CSMD3: variants seen among roughly 807,000 people sequenced by gnomAD.
CSMD3 encodes CUB and sushi domain-containing protein 3.
Under a neutral mutation model 435.2 loss-of-function variants are expected in CSMD3, and 177 were observed. The observed-to-expected ratio is 0.41, with a 90% CI of 0.36 to 0.46. The LOEUF (loss-of-function observed/expected upper bound fraction) is 0.46, where lower values mean the gene tolerates loss of function less well. CSMD3 is among the 20% of genes least tolerant of loss of function. The probability of loss-of-function intolerance (pLI) is 0.34; values close to 1 mark genes in which losing one functional copy is unlikely to be tolerated. For missense variants in CSMD3, 4,265 were observed against 4,504.6 expected (o/e 0.95, Z 1.52); for synonymous variants, 1,656 against 1,520.5 (o/e 1.09, Z -2.07).
In CSMD3 at chr8:112,929,114, C is replaced by T. The variant is rs561210072; in HGVS notation, c.1509-7363G>A. On this transcript the variant is annotated intron_variant, in intron 9 of 70. Transcript: ENST00000297405. ...TTGAGAAGTGTCTGTTCATGTCCTT[C>T]GCCCACTTTTTGATGGGGTTGTTTG... is the stretch of plus-strand genomic sequence containing the variant. 2.8e-3 allele frequency among the ~76,000 whole-genome samples: 420 copies of T among 148,378 alleles called. 2 individuals carry two copies. Among genetic ancestry groups the T allele is most frequent in the African/African-American group, 8.2e-3 (331 of 40,384 alleles).
In CSMD3 at chr8:113,371,830, T is replaced by C. The variant is rs141886968; in HGVS notation, c.179-57037A>G. Among the ~76,000 whole-genome samples, 98 of 152,310 alleles carry C rather than the reference T, an allele frequency of 6.4e-4. 1 individual carries two copies. In the East Asian group the frequency reaches 0.011, roughly 17 times the overall value. On this transcript the variant is annotated intron_variant, in intron 1 of 70. Transcript: ENST00000297405. ...GTGAAATAGGCTCTGTGAAGAATGG[T>C]TGAGTGAATAGTGGTTTTTAGCTTG...
chr8:112,986,490 C>T (rs534571167), intron 6 of CSMD3, among the ~76,000 whole-genome samples: 7 of 152,126 alleles, frequency 4.6e-5, no homozygotes, highest in South Asian at 2.1e-4. Flanking sequence ...AAATGAGAAA[C>T]GGAAAGAAGG....
At chr8:113,241,033 G>C (rs905084023) in intron 3 of CSMD3, among the ~76,000 whole-genome samples, 25 of 152,190 alleles carry the variant, frequency 1.6e-4, no homozygotes, top group African/African-American at 5.8e-4. Context: ...ATATTATCAA[G>C]ATATTAGCTG....
At chr8:112,280,100 A>C (rs868209308) in intron 59 of CSMD3, among the ~76,000 whole-genome samples, 1 of 152,138 alleles carries the variant, frequency 6.6e-6, no homozygotes, top group Non-Finnish European at 1.5e-5. Flanking sequence ...CACACAATAC[A>C]AGGCCATGCC....
At chr8:112,310,775 A>C in intron 50 of CSMD3, 3 of 665,494 alleles carry the variant, frequency 4.5e-6, no homozygotes, top group Non-Finnish European at 8.1e-6. Flanking sequence ...GTTGCATAAC[A>C]ATAATGAATA....
At chr8:112,396,272 T>G (rs1374652507) in intron 35 of CSMD3, among the ~76,000 whole-genome samples, 1 of 152,158 alleles carries the variant, frequency 6.6e-6, no homozygotes, top group Admixed American at 6.6e-5. Flanking sequence ...CTGACTTGGC[T>G]TAAGTTATTA....
At chr8:112,518,738 G>A (rs1823966154) in intron 27 of CSMD3, among the ~76,000 whole-genome samples, 3 of 151,932 alleles carry the variant, frequency 2.0e-5, no homozygotes, top group African/African-American at 7.3e-5. Context: ...GTATTAGTCT[G>A]TTAACACACT....
chr8:113,148,303 T>C (rs2091726672), intron 4 of CSMD3, among the ~76,000 whole-genome samples: 1 of 151,694 alleles, frequency 6.6e-6, no homozygotes, highest in African/African-American at 2.4e-5. Flanking sequence ...TCACAGCCTT[T>C]TGCCATGTCA....
In CSMD3 at chr8:113,411,374, C is replaced by T. The variant is rs59890451; in HGVS notation, c.178+25303G>A. 4.0e-3 allele frequency among the ~76,000 whole-genome samples: 608 copies of T among 152,282 alleles called. 5 individuals carry two copies. Among genetic ancestry groups the T allele is most frequent in the African/African-American group, 0.013 (557 of 41,560 alleles). On this transcript the variant is annotated intron_variant, in intron 1 of 70. Transcript: ENST00000297405. ...CAGTTACTCCACTAAATACTCCATG[C>T]TGCAAATTCTTTTCTGACTTGTGTT...
chr8:112,361,212 A>C (rs1183759524), intron 38 of CSMD3, among the ~76,000 whole-genome samples: 1 of 151,818 alleles, frequency 6.6e-6, no homozygotes, highest in Non-Finnish European at 1.5e-5. Context: ...TGCCGTTGGC[A>C]ACCAAAGCTG....
chr8:112,412,583 G>A lies in CSMD3; in HGVS notation c.5396-3551C>T, dbSNP rs1811474330. ...TAAAGAAAATGTTTTTATCTCTTTT[G>A]TTGAAAAAATCAATTTTTATAGTGG... On this transcript the variant is annotated intron_variant, in intron 32 of 70. Coordinates refer to ENST00000297405, the MANE Select transcript of CSMD3 (RefSeq NM_198123.2). Among the ~76,000 whole-genome samples, 2 of 151,682 alleles carry A rather than the reference G, an allele frequency of 1.3e-5. 1 individual carries two copies. The highest frequency in any genetic ancestry group is 4.2e-4 in the South Asian group (2 of 4,800).
At chr8:112,478,749 A>T (rs927917649) in intron 31 of CSMD3, among the ~76,000 whole-genome samples, 1 of 152,200 alleles carries the variant, frequency 6.6e-6, no homozygotes, top group Non-Finnish European at 1.5e-5. Flanking sequence ...CTGAAAGACC[A>T]GACTGCTGGT....
intron 5 of CSMD3, among the ~76,000 whole-genome samples, chr8:113,068,568 T>A (rs531244599): frequency 1.3e-5 from 2 of 152,220 alleles, no homozygotes; most frequent in East Asian, 3.9e-4. Context: ...GTGTACCTGG[T>A]TAGAAATGTC....
intron 2 of CSMD3, chr8:113,310,269 AG>A (rs2093857293): frequency 1.3e-5 from 2 of 152,120 alleles, no homozygotes; most frequent in South Asian, 4.1e-4. Context: ...AATTAGGAAA[AG>A]GAATTTAAAA....
chr8:113,346,002 A>G lies in CSMD3; in HGVS notation c.179-31209T>C, dbSNP rs547461247. ...TCTTCCAGTTCTGTTGCAAACTGTAACACAGTAACAAGTTCCCCTTAGAAG... is the reference window on the plus strand; with the variant it reads ...TCTTCCAGTTCTGTTGCAAACTGTAGCACAGTAACAAGTTCCCCTTAGAAG... On this transcript the variant is annotated intron_variant, in intron 1 of 70. Coordinates refer to ENST00000297405, the MANE Select transcript of CSMD3 (RefSeq NM_198123.2). 2.6e-5 allele frequency among the ~76,000 whole-genome samples: 4 copies of G among 152,144 alleles called. No homozygotes were observed. In the South Asian group the frequency reaches 8.3e-4, roughly 32 times the overall value.
intron 1 of CSMD3, among the ~76,000 whole-genome samples, chr8:113,396,040 G>A (rs1181836382): frequency 1.8e-4 from 28 of 151,926 alleles, no homozygotes; most frequent in Admixed American, 1.7e-3. Context: ...AATGACAATC[G>A]ATGTCCATTT....
rs573732623 is a variant in CSMD3 at position 112,517,958 on chromosome 8, G to A, written c.4565-733C>T. ...AAAACTTATATTCACATGAAAGCCT[G>A]CACACAGATATTCATAACAACTTTA... On this transcript the variant is annotated intron_variant, in intron 27 of 70. Coordinates refer to ENST00000297405, the MANE Select transcript of CSMD3 (RefSeq NM_198123.2). Among the ~76,000 whole-genome samples, 23 of 152,168 alleles carry A rather than the reference G, an allele frequency of 1.5e-4. No homozygotes were observed. In the South Asian group the frequency reaches 2.1e-3, roughly 14 times the overall value.
intron 7 of CSMD3, among the ~76,000 whole-genome samples, chr8:112,966,193 T>C (rs2084408413): frequency 6.6e-6 from 1 of 151,708 alleles, no homozygotes; most frequent in Admixed American, 6.6e-5. Context: ...ATAAAATGAA[T>C]AAAATTAAGT....
chr8:113,361,917 T>C (rs2094279913), intron 1 of CSMD3, among the ~76,000 whole-genome samples: 1 of 152,210 alleles, frequency 6.6e-6, no homozygotes, highest in African/African-American at 2.4e-5. Flanking sequence ...TGTTATTTCC[T>C]ATTTTGCATG....
Sources: gnomAD v4.1 joint callset for allele counts (sites outside exome capture counted in the v4.1 genomes callset) on GRCh38, gnomAD v4.1.1 for gene constraint, MANE v1.5 for transcripts, NCBI Gene and HGNC (gene_info 2026-07-23, HGNC 2026-07-21) for gene names.